The following NCKAP5 variants were observed in gnomAD, a reference collection of about 807,000 sequenced individuals.
NCKAP5 encodes the protein NCK associated protein 5.
A neutral mutation model predicts 167.0 loss-of-function variants in NCKAP5; 92 were observed. The ratio of observed to expected loss-of-function variants is 0.55; its 90% CI spans 0.47 to 0.66. The LOEUF (loss-of-function observed/expected upper bound fraction) is 0.66. Among genes scored for constraint, NCKAP5 ranks in the 30% least tolerant of loss-of-function variants. The probability of loss-of-function intolerance (pLI) is 0.00; values close to 1 mark genes in which losing one functional copy is unlikely to be tolerated. For synonymous variants in NCKAP5, 891 were observed against 877.4 expected, an observed-to-expected ratio of 1.02 and a Z score of -0.27; for missense variants, 2,378 against 2,315.0, an observed-to-expected ratio of 1.03 and a Z score of -0.56.
chr2:133,286,922 C>T (rs989305593), intron 4 of NCKAP5, among the ~76,000 whole-genome samples: 6 of 152,140 alleles, frequency 3.9e-5, no homozygotes, highest in Admixed American at 3.9e-4. Context: ...GGGTGAAAGG[C>T]AGATGTTGAG....
At chr2:132,915,391 G>T (rs974400012) in intron 8 of NCKAP5, among the ~76,000 whole-genome samples, 10 of 152,102 alleles carry the variant, frequency 6.6e-5, no homozygotes, top group Non-Finnish European at 1.2e-4. Flanking sequence ...GGGAACTGCT[G>T]CTCTAGTCAC....
intron 3 of NCKAP5, among the ~76,000 whole-genome samples, chr2:133,353,493 A>G (rs1452233958): frequency 6.6e-6 from 1 of 152,136 alleles, no homozygotes; most frequent in Non-Finnish European, 1.5e-5. Context: ...GGAGACAGGG[A>G]AATGCTGGGT....
intron 3 of NCKAP5, among the ~76,000 whole-genome samples, chr2:133,475,192 T>C (rs1356927762): frequency 6.6e-6 from 1 of 152,216 alleles, no homozygotes; most frequent in Non-Finnish European, 1.5e-5. Flanking sequence ...ATATGCTGGC[T>C]GAATTAAACA....
chr2:133,207,285 C>G (rs548675213), intron 5 of NCKAP5, among the ~76,000 whole-genome samples: 13 of 152,260 alleles, frequency 8.5e-5, no homozygotes, highest in Middle Eastern at 3.4e-3. Flanking sequence ...CTCAGACCAA[C>G]TGACACTTAG....
At chr2:133,276,570 A>G (rs2089739058) in intron 4 of NCKAP5, among the ~76,000 whole-genome samples, 1 of 152,072 alleles carries the variant, frequency 6.6e-6, no homozygotes. Flanking sequence ...TAGAAAAAAA[A>G]AAATACCACC....
At chr2:132,702,938 G>A (rs1341579190) in intron 19 of NCKAP5, among the ~76,000 whole-genome samples, 1 of 152,158 alleles carries the variant, frequency 6.6e-6, no homozygotes, top group Non-Finnish European at 1.5e-5. Flanking sequence ...CAGCACTTTG[G>A]TAGGCTGATG....
chr2:132,725,819 T>C, intron 18 of NCKAP5, 60 bp from the exon 19 acceptor site: 1 of 1,561,638 alleles, frequency 6.4e-7, no homozygotes, highest in Non-Finnish European at 8.8e-7. Flanking sequence ...AGGCAGAGCA[T>C]CCTGTGAGGA....
intron 7 of NCKAP5, among the ~76,000 whole-genome samples, chr2:132,983,944 A>T (rs1213371411): frequency 6.6e-6 from 1 of 152,188 alleles, no homozygotes; most frequent in African/African-American, 2.4e-5. Context: ...ATGACCTGTA[A>T]GTCAAACTTC....
chr2:133,315,466 C>T (rs72987661), intron 3 of NCKAP5, among the ~76,000 whole-genome samples: 4,863 of 152,060 alleles, frequency 0.032, 253 homozygotes, highest in African/African-American at 0.11. Context: ...AAGTTTGTGA[C>T]GTCATTACAT....
intron 5 of NCKAP5, among the ~76,000 whole-genome samples, chr2:133,208,324 C>T (rs997189238): frequency 5.9e-5 from 9 of 152,140 alleles, no homozygotes; most frequent in East Asian, 3.9e-4. Flanking sequence ...GGCAACAGAG[C>T]GAGACCCTAT....
intron 3 of NCKAP5, among the ~76,000 whole-genome samples, chr2:133,434,959 G>A (rs778440974): frequency 5.3e-5 from 8 of 152,188 alleles, no homozygotes; most frequent in Admixed American, 2.6e-4. Flanking sequence ...ATAAAAGCTA[G>A]GAGAACTATA....
intron 6 of NCKAP5, among the ~76,000 whole-genome samples, chr2:133,094,283 G>T (rs955972470): frequency 6.6e-5 from 10 of 151,146 alleles, no homozygotes; most frequent in African/African-American, 9.7e-5. Context: ...GTGGATTGGT[G>T]TATGCATGGT....
chr2:133,188,566 G>C (rs4954041), intron 5 of NCKAP5, among the ~76,000 whole-genome samples: 1 of 151,786 alleles, frequency 6.6e-6, no homozygotes, highest in African/African-American at 2.4e-5. Context: ...TAACAGAAAA[G>C]AAATTATAAC....
intron 6 of NCKAP5, among the ~76,000 whole-genome samples, chr2:133,072,768 A>C (rs2080460435): frequency 6.6e-6 from 1 of 152,214 alleles, no homozygotes; most frequent in Non-Finnish European, 1.5e-5. Context: ...TTGTGAACAA[A>C]AATTAAGTAT....
intron 3 of NCKAP5, among the ~76,000 whole-genome samples, chr2:133,477,714 T>G (rs1202096704): frequency 6.6e-6 from 1 of 152,200 alleles, no homozygotes; most frequent in African/African-American, 2.4e-5. Context: ...AATATCTTAC[T>G]GTACTGTACT....
the NCKAP5 span, among the ~76,000 whole-genome samples, chr2:133,586,952 G>C: frequency 6.6e-6 from 1 of 152,138 alleles, no homozygotes; most frequent in Non-Finnish European, 1.5e-5. Flanking sequence ...GAGGTCTGCA[G>C]CCAGTTCAGA....
At chr2:133,554,013 C>T (rs1687563954) in intron 2 of NCKAP5, among the ~76,000 whole-genome samples, 1 of 152,156 alleles carries the variant, frequency 6.6e-6, no homozygotes, top group East Asian at 1.9e-4. Context: ...ATCTGAGGCT[C>T]TGGGTCCTCT....
rs751385699 is a variant in NCKAP5 at position 133,130,050 on chromosome 2, C to T, written c.269G>A (p.Arg90Gln). 21 of 1,611,682 alleles carry T rather than the reference C, an allele frequency of 1.3e-5. No individual in the cohort carries two copies. Among genetic ancestry groups the T allele is most frequent in the Admixed American group, 1.7e-5 (1 of 59,540 alleles). ...AGACTCTAGGGTCACCTCCTGCAACCGCTTCTCGCTTTGAAGACGTAAGTG... is the reference window on the plus strand; with the variant it reads ...AGACTCTAGGGTCACCTCCTGCAACTGCTTCTCGCTTTGAAGACGTAAGTG... The part of the protein sequence containing the change: ...ERHLRLQSEK[R>Q]LQEVTLESER... Residue 90 changes from arginine (R) to glutamine (Q), a missense_variant, in exon 6 of 20, where the codon CGG becomes CAG. Around this residue, in one of 3 missense-constraint regions of NCKAP5, gnomAD observed 1,049 missense variants for 1,023.4 expected, o/e 1.02. Coordinates refer to ENST00000409261, the MANE Select transcript of NCKAP5 (RefSeq NM_207363.3).
intron 3 of NCKAP5, among the ~76,000 whole-genome samples, chr2:133,469,198 C>T (rs1240896320): frequency 6.6e-6 from 1 of 152,122 alleles, no homozygotes; most frequent in Admixed American, 6.5e-5. Context: ...TCTTTTAGGG[C>T]AGGCCTGGTG....
Sources: gnomAD v4.1 joint callset for allele counts (sites outside exome capture counted in the v4.1 genomes callset) on GRCh38, gnomAD v4.1.1 for gene constraint, gnomAD v4.1.1 regional missense constraint, MANE v1.5 for transcripts, NCBI Gene and HGNC (gene_info 2026-07-23, HGNC 2026-07-21) for gene names.